TTC27: variants seen among roughly 807,000 people sequenced by gnomAD.
TTC27 encodes the protein tetratricopeptide repeat domain 27, also known as tetratricopeptide repeat protein 27.
In TTC27, 79 loss-of-function variants were observed where a neutral mutation model predicts 115.9. The ratio of observed to expected loss-of-function variants is 0.68; its 90% CI spans 0.57 to 0.82. TTC27 has a LOEUF of 0.82. TTC27 is among the 40% of genes least tolerant of loss of function. The probability of loss-of-function intolerance (pLI) is 0.00; values close to 1 mark genes in which losing one functional copy is unlikely to be tolerated. For synonymous variants in TTC27, 401 were observed against 356.0 expected, an observed-to-expected ratio of 1.13 and a Z score of -1.42; for missense variants, 1,054 against 993.1, an observed-to-expected ratio of 1.06 and a Z score of -0.82.
At chr2:32,725,177 G>A (rs926025149) in intron 10 of TTC27, among the ~76,000 whole-genome samples, 2 of 151,970 alleles carry the variant, frequency 1.3e-5, no homozygotes, top group African/African-American at 4.8e-5. Flanking sequence ...TTCACCTCTG[G>A]CCCCTTCAAA....
intron 17 of TTC27, among the ~76,000 whole-genome samples, chr2:32,811,704 C>T (rs1471980212): frequency 6.6e-6 from 1 of 152,214 alleles, no homozygotes; most frequent in Non-Finnish European, 1.5e-5. Flanking sequence ...TTGCCCTGCC[C>T]TTTCTCACAA....
chr2:32,726,678 A>T (rs1668118215), intron 10 of TTC27, among the ~76,000 whole-genome samples: 1 of 152,208 alleles, frequency 6.6e-6, no homozygotes, highest in South Asian at 2.1e-4. Context: ...CCTGTTGCCC[A>T]GTTCCAAAGT....
Position 32,790,916 on chromosome 2 carries a change from C to T in TTC27, c.1998+3767C>T, listed in dbSNP as rs551342127. 1.1e-4 allele frequency among the ~76,000 whole-genome samples: 16 copies of T among 152,298 alleles called. No homozygotes were observed. The South Asian group carries it at 3.1e-3, about 30-fold the overall frequency. On this transcript the variant is annotated intron_variant, in intron 16 of 19. Transcript: ENST00000317907. ...GTCAGCAAATAGAGACAGTTTTGCTCAGTCCTTACCTATTAGAATATCTCT... is the reference window on the plus strand; with the variant it reads ...GTCAGCAAATAGAGACAGTTTTGCTTAGTCCTTACCTATTAGAATATCTCT...
At chr2:32,743,225 T>C (rs1467222456) in intron 12 of TTC27, among the ~76,000 whole-genome samples, 1 of 152,204 alleles carries the variant, frequency 6.6e-6, no homozygotes, top group East Asian at 1.9e-4. Context: ...TTTAATTCTT[T>C]CCATTAATTC....
intron 5 of TTC27, among the ~76,000 whole-genome samples, chr2:32,660,439 C>A (rs1278389676): frequency 6.6e-6 from 1 of 152,124 alleles, no homozygotes; most frequent in African/African-American, 2.4e-5. Context: ...GAGTTCATGT[C>A]CTTTGCAGGG....
chr2:32,661,736 C>T (rs1383287207), intron 5 of TTC27, among the ~76,000 whole-genome samples: 2 of 152,170 alleles, frequency 1.3e-5, no homozygotes, highest in African/African-American at 4.8e-5. Context: ...GACTTCCTCT[C>T]TTCCTATTTG....
At chr2:32,636,982 T>C (rs1664452637) in intron 3 of TTC27, among the ~76,000 whole-genome samples, 1 of 152,180 alleles carries the variant, frequency 6.6e-6, no homozygotes, top group South Asian at 2.1e-4. Flanking sequence ...CAGTGAAAAA[T>C]CACTTGATGG....
intron 8 of TTC27, among the ~76,000 whole-genome samples, chr2:32,677,573 C>T (rs1036888510): frequency 6.6e-6 from 1 of 152,138 alleles, no homozygotes; most frequent in Admixed American, 6.5e-5. Context: ...CCTCAGCCTC[C>T]CAAGTAGCTG....
At chr2:32,645,907 A>G (rs1664836899) in intron 4 of TTC27, among the ~76,000 whole-genome samples, 1 of 150,830 alleles carries the variant, frequency 6.6e-6, no homozygotes, top group Non-Finnish European at 1.5e-5. Flanking sequence ...TTTCGGAGAG[A>G]TGGATTTTCA....
rs531663498 is a variant in TTC27 at position 32,807,165 on chromosome 2, A to AT, written c.1999-3852dup. Among the ~76,000 whole-genome samples, 24 of 151,968 alleles carry AT rather than the reference A, an allele frequency of 1.6e-4. No individual in the cohort carries two copies. The East Asian group carries it at 2.5e-3, about 16-fold the overall frequency. ...TAAATGAATATTCATGTGTGTCATC[A>AT]TTTTTTTCTTCTTCTTTGCCAATCT... On this transcript the variant is annotated intron_variant, in intron 16 of 19. Coordinates refer to ENST00000317907, the MANE Select transcript of TTC27 (RefSeq NM_017735.5).
intron 7 of TTC27, among the ~76,000 whole-genome samples, chr2:32,670,913 C>T (rs1207730042): frequency 6.6e-6 from 1 of 152,158 alleles, no homozygotes; most frequent in Non-Finnish European, 1.5e-5. Flanking sequence ...GCCACCATGC[C>T]TGGCCTCTCT....
intron 9 of TTC27, among the ~76,000 whole-genome samples, chr2:32,690,612 C>G (rs1410303237): frequency 1.3e-5 from 2 of 152,132 alleles, no homozygotes; most frequent in Non-Finnish European, 2.9e-5. Flanking sequence ...ATAGCATAAG[C>G]AAAGGCAAGG....
chr2:32,695,243 A>T (rs1274869608), intron 9 of TTC27, among the ~76,000 whole-genome samples: 1 of 151,972 alleles, frequency 6.6e-6, no homozygotes, highest in Non-Finnish European at 1.5e-5. Flanking sequence ...TAGCCCTATG[A>T]GTTTGACTAC....
At chr2:32,754,147 CTT>C (rs200270813) in intron 12 of TTC27, among the ~76,000 whole-genome samples, 2,691 of 143,072 alleles carry the variant, frequency 0.019, 73 homozygotes, top group African/African-American at 0.064. Context: ...ATTCTACATT[CTT>C]TTTTTTTTTT....
chr2:32,761,739 T>C (rs1558330416), intron 13 of TTC27, among the ~76,000 whole-genome samples: 3 of 152,168 alleles, frequency 2.0e-5, no homozygotes, highest in Non-Finnish European at 4.4e-5. Context: ...CCCTACCTTA[T>C]ACTCCTAATT....
rs1286300876 is a variant in TTC27 at position 32,820,886 on chromosome 2, C to T, written c.2480C>T (p.Thr827Ile). The change falls in exon 20 of 20, where the codon ACC (threonine) becomes ATC (isoleucine). Residue 827 changes from threonine (T) to isoleucine (I), a missense_variant. Physicochemically the swap from Thr to Ile is moderately conservative, Grantham distance 89 (BLOSUM62 -1). Coordinates refer to ENST00000317907, the MANE Select transcript of TTC27 (RefSeq NM_017735.5). ...GCTGATGACATAACAGCTATGGACACCTTAGTGACAGAGCTCCAAGACCTA... is the reference window on the plus strand; with the variant it reads ...GCTGATGACATAACAGCTATGGACATCTTAGTGACAGAGCTCCAAGACCTA... ...ELADDITAMD[T>I]LVTELQDLSN... The T allele has an allele frequency of 1.3e-6, 2 of 1,538,352 alleles. No homozygotes were observed. The highest frequency in any genetic ancestry group is 1.4e-5 in the African/African-American group (1 of 72,954).
chr2:32,767,484 G>T (rs1472253193), intron 13 of TTC27, among the ~76,000 whole-genome samples: 4 of 117,452 alleles, frequency 3.4e-5, no homozygotes, highest in Admixed American at 2.4e-4. Flanking sequence ...ACAGAGTCTC[G>T]CTCTGTCTCC....
chr2:32,731,585 C>T (rs1433842169), intron 10 of TTC27, among the ~76,000 whole-genome samples: 1 of 151,866 alleles, frequency 6.6e-6, no homozygotes. Context: ...TACCATGTTG[C>T]CCAGGCTGGT....
At chr2:32,764,555 T>C (rs1669559219) in intron 13 of TTC27, among the ~76,000 whole-genome samples, 1 of 152,222 alleles carries the variant, frequency 6.6e-6, no homozygotes, top group Admixed American at 6.5e-5. Context: ...GTGTGATGGT[T>C]ACTAAAGGCT....
Sources: allele counts gnomAD v4.1 joint callset (sites outside exome capture counted in the v4.1 genomes callset), GRCh38; gene constraint gnomAD v4.1.1; transcripts MANE v1.5; gene names NCBI Gene and HGNC (gene_info 2026-07-23, HGNC 2026-07-21).